The following GLMN variants were observed in gnomAD, a reference collection of about 807,000 sequenced individuals.
GLMN encodes glomulin.
A neutral mutation model predicts 87.8 loss-of-function variants in GLMN; 75 were observed. That is an observed-to-expected ratio of 0.85 (90% CI 0.71 to 1.04). The LOEUF is 1.04. GLMN is among the 50% of genes least tolerant of loss of function. The pLI, the probability that GLMN is intolerant of heterozygous loss-of-function variation, is 0.00. For missense variants in GLMN, 588 were observed against 658.8 expected (o/e 0.89, Z 1.18); for synonymous variants, 206 against 221.6 (o/e 0.93, Z 0.63).
chr1:92,301,448 T>A, upstream of GLMN: 1 of 1,175,484 alleles, frequency 8.5e-7, no homozygotes, highest in Non-Finnish European at 1.3e-6. Flanking sequence ...AGCTTTTAAG[T>A]AGATTAAGTT....
At chr1:92,289,842 C>T (rs141918884) in intron 5 of GLMN, among the ~76,000 whole-genome samples, 56 of 152,282 alleles carry the variant, frequency 3.7e-4, no homozygotes, top group African/African-American at 1.3e-3. Flanking sequence ...TACCATAATG[C>T]TATCAGATTT....
the GLMN span, among the ~76,000 whole-genome samples, chr1:92,316,721 G>T: frequency 6.6e-6 from 1 of 152,198 alleles, no homozygotes; most frequent in African/African-American, 2.4e-5. Flanking sequence ...AGCTGGAAGA[G>T]AAATGGCACT....
intron 7 of GLMN, among the ~76,000 whole-genome samples, chr1:92,273,620 TA>T (rs1315028402): frequency 4.6e-5 from 7 of 151,616 alleles, no homozygotes; most frequent in African/African-American, 9.7e-5. Flanking sequence ...ATTTTTTTTT[TA>T]TTTTTTTTAT....
At chr1:92,296,681 A>G (rs1279605632) in intron 3 of GLMN, among the ~76,000 whole-genome samples, 1 of 152,200 alleles carries the variant, frequency 6.6e-6, no homozygotes, top group Non-Finnish European at 1.5e-5. Context: ...TGTTGCCAAC[A>G]CAGTGTCCCA....
chr1:92,345,979 A>G, the GLMN span: 2 of 1,120,806 alleles, frequency 1.8e-6, no homozygotes, highest in African/African-American at 3.1e-5. Context: ...AGGGAAAAAC[A>G]AAGTGATCCA....
chr1:92,357,680 C>T, the GLMN span, among the ~76,000 whole-genome samples: 15 of 152,250 alleles, frequency 9.9e-5, no homozygotes, highest in African/African-American at 3.1e-4. Flanking sequence ...TATAGGCATG[C>T]GCCACCACAC....
the GLMN span, among the ~76,000 whole-genome samples, chr1:92,338,464 A>G: frequency 3.3e-5 from 5 of 152,214 alleles, no homozygotes; most frequent in Non-Finnish European, 7.3e-5. Context: ...CCATGCATCC[A>G]AAAGGAGATA....
chr1:92,276,383 G>C (rs540827714), intron 7 of GLMN, among the ~76,000 whole-genome samples: 2 of 152,028 alleles, frequency 1.3e-5, no homozygotes, highest in East Asian at 3.9e-4. Flanking sequence ...GAGTTAGGCT[G>C]GGAACAGTGG....
At chr1:92,307,712 A>G in the GLMN span, among the ~76,000 whole-genome samples, 8 of 128,202 alleles carry the variant, frequency 6.2e-5, no homozygotes, top group Non-Finnish European at 9.4e-5. Flanking sequence ...ATTTAAAGAC[A>G]CAATTAAAAA....
At chr1:92,255,364 A>T (rs1244927955) in intron 16 of GLMN, among the ~76,000 whole-genome samples, 1 of 152,192 alleles carries the variant, frequency 6.6e-6, no homozygotes, top group East Asian at 1.9e-4. Context: ...CAGAAAATTA[A>T]CAACGATATT....
At chr1:92,279,284 C>A (rs573700758) in intron 7 of GLMN, among the ~76,000 whole-genome samples, 2 of 151,956 alleles carry the variant, frequency 1.3e-5, no homozygotes, top group Admixed American at 1.3e-4. Context: ...GGCGAAACCC[C>A]AACTCTACTA....
the GLMN span, chr1:92,323,763 T>G: frequency 6.2e-7 from 1 of 1,614,074 alleles, no homozygotes; most frequent in Non-Finnish European, 8.5e-7. Context: ...AATTAGATAG[T>G]CAGGAGAAAG....
intron 7 of GLMN, among the ~76,000 whole-genome samples, chr1:92,283,089 T>G (rs1482805655): frequency 6.6e-6 from 1 of 152,016 alleles, no homozygotes; most frequent in Non-Finnish European, 1.5e-5. Context: ...ACTATTCCAA[T>G]CAATAGAAAA....
At chr1:92,319,309 T>G in the GLMN span, among the ~76,000 whole-genome samples, 2 of 152,244 alleles carry the variant, frequency 1.3e-5, no homozygotes, top group Non-Finnish European at 2.9e-5. Flanking sequence ...TGGGTTTGAT[T>G]CCTGGCTTCA....
At chr1:92,347,643 C>T in the GLMN span, among the ~76,000 whole-genome samples, 2 of 152,112 alleles carry the variant, frequency 1.3e-5, no homozygotes. Flanking sequence ...ATAATAAAGG[C>T]TACCATTAAA....
the GLMN span, among the ~76,000 whole-genome samples, chr1:92,318,990 T>A: frequency 6.6e-6 from 1 of 151,460 alleles, no homozygotes; most frequent in Non-Finnish European, 1.5e-5. Context: ...CAAAGGATTG[T>A]TTGTTTGTTT....
At chr1:92,320,641 T>G in the GLMN span, 1 of 1,601,066 alleles carries the variant, frequency 6.2e-7, no homozygotes. Context: ...AAAGGTATGG[T>G]TGAATCAGTA....
the GLMN span, among the ~76,000 whole-genome samples, chr1:92,311,835 GT>G: frequency 6.6e-6 from 1 of 152,112 alleles, no homozygotes; most frequent in Admixed American, 6.5e-5. Flanking sequence ...AAAAAATAAT[GT>G]ACATACCTTA....
chr1:92,330,439 A>ATTTTTTT, the GLMN span, among the ~76,000 whole-genome samples: 2 of 61,460 alleles, frequency 3.3e-5, no homozygotes, highest in African/African-American at 1.4e-4. Flanking sequence ...TGGGTTGTCA[A>ATTTTTTT]TTTTTTTTTT....
Sources: allele counts gnomAD v4.1 joint callset (sites outside exome capture counted in the v4.1 genomes callset), GRCh38; gene constraint gnomAD v4.1.1; transcripts MANE v1.5; gene names NCBI Gene and HGNC (gene_info 2026-07-23, HGNC 2026-07-21).